PUDP: variants seen among roughly 807,000 people sequenced by gnomAD.
The protein encoded by PUDP is pseudouridine 5'-phosphatase, also known as pseudouridine-5'-phosphatase.
PUDP carries 8 observed loss-of-function variants against 9.4 expected under a neutral mutation model. The observed-to-expected ratio is 0.85, with a 90% CI of 0.50 to 1.53. PUDP has a LOEUF of 1.53. Ranked by LOEUF, PUDP falls within the 40% of genes most tolerant of loss-of-function variation. PUDP has a pLI of 0.00. For synonymous variants in PUDP, 99 were observed against 80.7 expected, an observed-to-expected ratio of 1.23 and a Z score of -1.22; for missense variants, 188 against 189.7, an observed-to-expected ratio of 0.99 and a Z score of 0.05.
chrX:7,007,487 G>T (rs1185772965), intron 1 of PUDP, among the ~76,000 whole-genome samples: 4 of 106,393 alleles, frequency 3.8e-5, no homozygotes, highest in African/African-American at 1.5e-4. Flanking sequence ...CACCAGCAGT[G>T]TCTGACACAC....
chrX:6,834,757 G>A (rs913968694), intron 3 of PUDP, among the ~76,000 whole-genome samples: 11 of 111,180 alleles, frequency 9.9e-5, no homozygotes, highest in Non-Finnish European at 1.9e-4. Flanking sequence ...AGCATCTGCC[G>A]AGGGCCTTCT....
At chrX:6,745,103 G>C (rs1924984473) in intron 3 of PUDP, among the ~76,000 whole-genome samples, 1 of 111,703 alleles carries the variant, frequency 9.0e-6, no homozygotes, top group South Asian at 3.8e-4. Flanking sequence ...CATGATGGCA[G>C]TATCAAGGAC....
chrX:6,707,419 T>C (rs1291427186), intron 1 of PUDP, among the ~76,000 whole-genome samples: 2 of 111,986 alleles, frequency 1.8e-5, no homozygotes, highest in Non-Finnish European at 3.8e-5. Context: ...TATATTATTA[T>C]TACATTGTAA....
chrX:7,140,676 A>G (rs1273186019), intron 1 of PUDP, among the ~76,000 whole-genome samples: 1 of 112,095 alleles, frequency 8.9e-6, no homozygotes, highest in Admixed American at 9.5e-5. Flanking sequence ...TTCTGGCTCA[A>G]AAAACAAAAC....
At chrX:6,991,952 T>C (rs933693931) in intron 1 of PUDP, among the ~76,000 whole-genome samples, 1 of 111,554 alleles carries the variant, frequency 9.0e-6, no homozygotes, top group African/African-American at 3.3e-5. Flanking sequence ...GTAACAAACA[T>C]AAAGAAAGGA....
intron 3 of PUDP, among the ~76,000 whole-genome samples, chrX:6,899,180 A>C (rs1193984980): frequency 8.9e-6 from 1 of 112,783 alleles, no homozygotes; most frequent in Admixed American, 9.4e-5. Context: ...AGACAACTGC[A>C]ATGGCTTTGA....
chrX:7,020,776 T>C (rs763477436), intron 1 of PUDP, among the ~76,000 whole-genome samples: 37 of 112,895 alleles, frequency 3.3e-4, no homozygotes, highest in Non-Finnish European at 6.0e-4. Context: ...ATGCTTAACA[T>C]CAGCCTCATG....
intron 1 of PUDP, among the ~76,000 whole-genome samples, chrX:7,029,725 T>A (rs1312207008): frequency 2.7e-5 from 3 of 112,047 alleles, no homozygotes; most frequent in Non-Finnish European, 5.6e-5. Context: ...TTCATTGCCA[T>A]GGAGTAAATC....
intron 3 of PUDP, among the ~76,000 whole-genome samples, chrX:6,847,422 A>T (rs1016994345): frequency 8.9e-6 from 1 of 112,353 alleles, no homozygotes; most frequent in Non-Finnish European, 1.9e-5. Context: ...TTGGACAAAG[A>T]GAAAATAAGA....
chrX:6,949,164 C>T (rs772404368), intron 3 of PUDP, among the ~76,000 whole-genome samples: 258 of 112,146 alleles, frequency 2.3e-3, no homozygotes, highest in Non-Finnish European at 4.3e-3. Flanking sequence ...AGAAAGAAGG[C>T]GGTCTCTTCA....
chrX:7,089,081 GACA>G (rs748083615), intron 2 of PUDP, among the ~76,000 whole-genome samples: 4 of 111,854 alleles, frequency 3.6e-5, no homozygotes, highest in Admixed American at 9.5e-5. Flanking sequence ...TTCCCCAGAG[GACA>G]ACATTTCAGA....
At chrX:6,827,463 G>A (rs1453143791) in intron 3 of PUDP, among the ~76,000 whole-genome samples, 1 of 111,458 alleles carries the variant, frequency 9.0e-6, no homozygotes, top group Non-Finnish European at 1.9e-5. Flanking sequence ...AAATGGAGAG[G>A]ATGAATAAAG....
chrX:6,992,513 C>T (rs1434290090), intron 1 of PUDP, among the ~76,000 whole-genome samples: 1 of 108,705 alleles, frequency 9.2e-6, no homozygotes, highest in African/African-American at 3.3e-5. Flanking sequence ...ACCTCATGAT[C>T]CACCCGCCTC....
At chrX:7,121,328 T>G (rs933163077) in intron 1 of PUDP, among the ~76,000 whole-genome samples, 5 of 111,540 alleles carry the variant, frequency 4.5e-5, no homozygotes, top group African/African-American at 1.6e-4. Flanking sequence ...TCTTTATTGA[T>G]GGAATCCCTG....
At chrX:7,116,882 G>A in intron 1 of PUDP, 1 of 1,136,510 alleles carries the variant, frequency 8.8e-7, no homozygotes, top group Admixed American at 2.7e-5. Flanking sequence ...CATGAGAGCT[G>A]GTGGTTTAAA....
intron 3 of PUDP, among the ~76,000 whole-genome samples, chrX:6,884,629 C>G (rs1927396210): frequency 9.0e-6 from 1 of 111,487 alleles, no homozygotes. Flanking sequence ...GAGACCTGCC[C>G]TATTCAATAC....
chrX:6,895,008 G>C lies in PUDP; in HGVS notation c.*247+82125C>G, dbSNP rs189949215. Reference sequence around the variant, plus strand: ...GCCAGATACAGTTTCTTGTCTAAATGCTGACCACCAGAAAAGCCGACTGCT... The same window carrying C: ...GCCAGATACAGTTTCTTGTCTAAATCCTGACCACCAGAAAAGCCGACTGCT... On this transcript the variant is annotated intron_variant and NMD_transcript_variant, in intron 3 of 3. Coordinates refer to the PUDP transcript ENST00000655425. Among the ~76,000 whole-genome samples the C allele has an allele frequency of 7.2e-5, 8 of 110,903 alleles. No homozygotes were observed. In the East Asian group the frequency reaches 2.3e-3, roughly 31 times the overall value.
rs747577242 is a variant in PUDP at position 7,135,027 on chromosome X, T to C, written c.61+13026A>G. Among the ~76,000 whole-genome samples the C allele has an allele frequency of 4.5e-5, 5 of 112,060 alleles. No homozygotes were observed. The East Asian group carries it at 1.4e-3, about 31-fold the overall frequency. On this transcript the variant is annotated intron_variant, in intron 1 of 3. Coordinates refer to ENST00000381077, the MANE Select transcript of PUDP (RefSeq NM_012080.5). ...GTATGAACAGGTAACCTCCAGGGAATGGCAGGGATACAACTGGGTCCAAGA... is the reference window on the plus strand; with the variant it reads ...GTATGAACAGGTAACCTCCAGGGAACGGCAGGGATACAACTGGGTCCAAGA...
chrX:7,039,179 C>G (rs1929890634), intron 1 of PUDP, among the ~76,000 whole-genome samples: 1 of 111,260 alleles, frequency 9.0e-6, no homozygotes, highest in Admixed American at 9.6e-5. Context: ...ATCTTCTGCC[C>G]TGGCCTCCCA....
Sources: allele counts gnomAD v4.1 joint callset (sites outside exome capture counted in the v4.1 genomes callset), GRCh38; gene constraint gnomAD v4.1.1; transcripts MANE v1.5; gene names NCBI Gene and HGNC (gene_info 2026-07-23, HGNC 2026-07-21).